The following ZNF608 variants were observed in gnomAD, a reference collection of about 807,000 sequenced individuals.
The protein encoded by ZNF608 is zinc finger protein 608, also known as renal carcinoma antigen NY-REN-36.
Under a neutral mutation model 109.0 loss-of-function variants are expected in ZNF608, and 12 were observed. The observed-to-expected ratio is 0.11, with a 90% CI of 0.07 to 0.18. The LOEUF is 0.18. Ranked by LOEUF, ZNF608 falls within the 10% of genes least tolerant of loss-of-function variation. The pLI is 1.00. For missense variants in ZNF608, 1,707 were observed against 1,879.3 expected, an observed-to-expected ratio of 0.91 and a Z score of 1.70; for synonymous variants, 732 against 717.4, an observed-to-expected ratio of 1.02 and a Z score of -0.33.
chr5:124,746,480 T>A lies in ZNF608; in HGVS notation c.-469A>T. 1.1e-5 allele frequency: 11 copies of A among 985,418 alleles called. No individual in the cohort carries two copies. Among genetic ancestry groups the A allele is most frequent in the Non-Finnish European group, 1.3e-5 (11 of 829,916 alleles). 61.0% of individuals were successfully genotyped at this position (985,418 alleles called of 1,614,324 possible). On this transcript the variant is annotated 5_prime_UTR_variant, in exon 1 of 10. Coordinates refer to ENST00000513986, the MANE Select transcript of ZNF608 (RefSeq NM_020747.3). ...CAACAGAAGCACCAAAGGTTTTTTT[T>A]TCCTCTTAACAAGCATCGAGAATAA... is the stretch of plus-strand genomic sequence containing the variant.
chr5:124,675,414 AG>A (rs1294911241), intron 3 of ZNF608, among the ~76,000 whole-genome samples: 1 of 152,226 alleles, frequency 6.6e-6, no homozygotes, highest in Non-Finnish European at 1.5e-5. Flanking sequence ...TTCTTCCTGC[AG>A]GAAAATTTAC....
intron 3 of ZNF608, among the ~76,000 whole-genome samples, chr5:124,661,615 C>T (rs11746047): frequency 0.33 from 50,499 of 151,976 alleles, 8,765 homozygotes; most frequent in East Asian, 0.47. Context: ...GGTAAAAGGG[C>T]CTTTGTTAGC....
In ZNF608 at chr5:124,745,179, A is replaced by AG. The variant is rs34427769; in HGVS notation, c.-183-8dup. On this transcript the variant is annotated splice_region_variant and splice_polypyrimidine_tract_variant and intron_variant, in intron 1 of 9. Transcript: ENST00000513986. ...AGTCCAGGTCCACCTTTTCCTGTGA[A>AG]GGGGGGGGGAAAAGTCGAATATTTC... The AG allele has an allele frequency of 3.6e-3, 4,894 of 1,376,352 alleles. 41 individuals are homozygous for AG. The highest frequency in any genetic ancestry group is 0.033 in the African/African-American group (2,211 of 67,892). 85.3% of individuals were successfully genotyped at this position (1,376,352 alleles called of 1,614,324 possible).
At chr5:124,742,295 G>A (rs1749446801) in intron 2 of ZNF608, among the ~76,000 whole-genome samples, 1 of 152,202 alleles carries the variant, frequency 6.6e-6, no homozygotes. Context: ...AAACAAAATT[G>A]TTGAATGTGA....
Position 124,646,704 on chromosome 5 carries a change from A to G in ZNF608, c.3680T>C (p.Val1227Ala). 1 of 1,614,028 alleles carries G rather than the reference A, an allele frequency of 6.2e-7. No homozygotes were observed. The highest frequency in any genetic ancestry group is 8.5e-7 in the Non-Finnish European group (1 of 1,179,944). Residue 1227 changes from valine (V) to alanine (A), a missense_variant, in exon 5 of 10, where the codon GTA becomes GCA. This residue lies in a region of ZNF608 where 1,073 missense variants were observed against 1,133.5 expected (regional missense o/e 0.95). Transcript: ENST00000513986. ...TTGTTTAAATCTCGAGGTTGGGTCTACACCTGTCTGCTTCATAGAGTCCAT... is the reference window on the plus strand; with the variant it reads ...TTGTTTAAATCTCGAGGTTGGGTCTGCACCTGTCTGCTTCATAGAGTCCAT... ...SVMDSMKQTG[V>A]DPTSRFKQDP...
intron 3 of ZNF608, among the ~76,000 whole-genome samples, chr5:124,691,050 G>A (rs1752606257): frequency 6.6e-6 from 1 of 151,902 alleles, no homozygotes; most frequent in Non-Finnish European, 1.5e-5. Context: ...GAACTCAAGA[G>A]GCCAAGATGG....
Position 124,639,078 on chromosome 5 carries a change from C to T in ZNF608, c.4532+55G>A, listed in dbSNP as rs1043763479. ...CTAAAAATCCTGTACTTGCTTCCTC[C>T]CAACCATTAAGATATTTCTATCTAC... On this transcript the variant is annotated intron_variant, in intron 9 of 9. Coordinates refer to ENST00000513986, the MANE Select transcript of ZNF608 (RefSeq NM_020747.3). The T allele has an allele frequency of 5.2e-6, 8 of 1,549,532 alleles. No individual in the cohort carries two copies. The Admixed American group carries it at 7.0e-5, about 14-fold the overall frequency.
chr5:124,734,652 C>T (rs577976435), intron 2 of ZNF608: 1 of 152,320 alleles, frequency 6.6e-6, no homozygotes, highest in Admixed American at 6.5e-5. Context: ...TTAATGCCCA[C>T]AGTAACTTAT....
At chr5:124,669,093 A>T (rs1294652148) in intron 3 of ZNF608, among the ~76,000 whole-genome samples, 2 of 152,130 alleles carry the variant, frequency 1.3e-5, no homozygotes, top group Admixed American at 1.3e-4. Flanking sequence ...GAGAAGAAAA[A>T]AAAAATCGGA....
intron 3 of ZNF608, among the ~76,000 whole-genome samples, chr5:124,680,748 A>T: frequency 6.6e-6 from 1 of 152,238 alleles, no homozygotes; most frequent in East Asian, 1.9e-4. Context: ...CAATAAAAAG[A>T]AGAAATTAGA....
At chr5:124,699,532 A>T (rs1752969539) in intron 3 of ZNF608, among the ~76,000 whole-genome samples, 1 of 152,322 alleles carries the variant, frequency 6.6e-6, no homozygotes, top group East Asian at 1.9e-4. Flanking sequence ...GAGCAAACAA[A>T]AGCTGACCAT....
At chr5:124,733,462 G>T (rs1749001490) in intron 2 of ZNF608, among the ~76,000 whole-genome samples, 1 of 152,046 alleles carries the variant, frequency 6.6e-6, no homozygotes, top group African/African-American at 2.4e-5. Context: ...TAAGCACCCT[G>T]GGGGCTTTCA....
At chr5:124,642,996 A>C (rs1250621443) in intron 7 of ZNF608, among the ~76,000 whole-genome samples, 1 of 152,096 alleles carries the variant, frequency 6.6e-6, no homozygotes, top group African/African-American at 2.4e-5. Flanking sequence ...CTCCCGGCCC[A>C]GATTTTCTAT....
intron 2 of ZNF608, among the ~76,000 whole-genome samples, chr5:124,714,804 C>G (rs1208665090): frequency 5.3e-5 from 8 of 152,190 alleles, no homozygotes; most frequent in African/African-American, 1.9e-4. Context: ...ACATTAAAAA[C>G]ATACTGCTGT....
Position 124,643,656 on chromosome 5 carries a change from T to A in ZNF608, c.4151A>T (p.Tyr1384Phe). ...PGAYLSPGFHYPVYGKMSGRE... is the reference protein window; with the variant it reads ...PGAYLSPGFHFPVYGKMSGRE... ...CCCTGACATCTTCCCATAAACAGGA[T>A]AATGAAATCCTGGAGAGAGATATGC... Residue 1384 changes from tyrosine to phenylalanine, a missense_variant, in exon 7 of 10, where the codon TAT (tyrosine) becomes TTT (phenylalanine). This residue lies in a region of ZNF608 where 1,073 missense variants were observed against 1,133.5 expected (regional missense o/e 0.95). Transcript: ENST00000513986. The A allele has an allele frequency of 6.2e-7, 1 of 1,614,216 alleles. No individual in the cohort carries two copies. Among genetic ancestry groups the A allele is most frequent in the South Asian group, 1.1e-5 (1 of 91,088 alleles).
At position 124,647,350 on chromosome 5, in the gene ZNF608, C is replaced by T. The variant is rs773171074; in HGVS notation, c.3034G>A (p.Gly1012Arg). ...PYYSPSYMHPGQVGAPAAGNS... is the reference protein window; with the variant it reads ...PYYSPSYMHPRQVGAPAAGNS... Reference sequence around the variant, plus strand: ...CCAGCTGCAGGGGCACCGACCTGCCCAGGGTGCATGTAACTTGGAGAATAA... The same window carrying T: ...CCAGCTGCAGGGGCACCGACCTGCCTAGGGTGCATGTAACTTGGAGAATAA... The change falls in exon 5 of 10, where the codon GGG (glycine) becomes AGG (arginine). Residue 1012 changes from glycine to arginine, a missense_variant. By Grantham distance (125) the Gly-to-Arg change is moderately radical (BLOSUM62 -2). This residue lies in a region of ZNF608 where 1,073 missense variants were observed against 1,133.5 expected (regional missense o/e 0.95). Transcript: ENST00000513986. 1.2e-6 allele frequency: 2 copies of T among 1,614,064 alleles called. No homozygotes were observed. The highest frequency in any genetic ancestry group is 2.7e-5 in the African/African-American group (2 of 74,902).
chr5:124,697,680 T>A (rs1237847914), intron 3 of ZNF608, among the ~76,000 whole-genome samples: 3 of 152,184 alleles, frequency 2.0e-5, no homozygotes, highest in African/African-American at 7.2e-5. Context: ...CAGTACTTCA[T>A]GTACTGGCAG....
chr5:124,674,034 A>G (rs1459812954), intron 3 of ZNF608, among the ~76,000 whole-genome samples: 6 of 152,196 alleles, frequency 3.9e-5, no homozygotes, highest in African/African-American at 7.2e-5. Flanking sequence ...CATAAAGATA[A>G]TAATTCTAGA....
intron 3 of ZNF608, among the ~76,000 whole-genome samples, chr5:124,660,355 G>A (rs1407791401): frequency 3.9e-5 from 6 of 152,186 alleles, no homozygotes; most frequent in Non-Finnish European, 8.8e-5. Context: ...GGGTGAATGA[G>A]GCTTAAGTTG....
Sources: gnomAD v4.1 joint callset for allele counts (sites outside exome capture counted in the v4.1 genomes callset) on GRCh38, gnomAD v4.1.1 for gene constraint, gnomAD v4.1.1 regional missense constraint, MANE v1.5 for transcripts, NCBI Gene and HGNC (gene_info 2026-07-23, HGNC 2026-07-21) for gene names.